The following XPO7 variants were observed in gnomAD, a reference collection of about 807,000 sequenced individuals.
The protein encoded by XPO7 is exportin 7.
Under a neutral mutation model 144.3 loss-of-function variants are expected in XPO7, and 21 were observed. The ratio of observed to expected loss-of-function variants is 0.15; its 90% CI spans 0.10 to 0.21. The LOEUF is 0.21. Among genes scored for constraint, XPO7 ranks in the 10% least tolerant of loss-of-function variants. XPO7 has a pLI of 1.00. For synonymous variants in XPO7, 580 were observed against 499.6 expected, an observed-to-expected ratio of 1.16 and a Z score of -2.15; for missense variants, 808 against 1,325.8, an observed-to-expected ratio of 0.61 and a Z score of 6.06.
intron 1 of XPO7, among the ~76,000 whole-genome samples, chr8:21,948,886 T>A (rs1811276461): frequency 6.6e-6 from 1 of 152,198 alleles, no homozygotes; most frequent in Admixed American, 6.5e-5. Flanking sequence ...AACCATTTGG[T>A]TCCTCCAAGG....
chr8:21,987,389 A>C, intron 14 of XPO7, 113 bp downstream of exon 14: 1 of 1,438,916 alleles, frequency 6.9e-7, no homozygotes, highest in Non-Finnish European at 9.4e-7. Context: ...ACGTAATAGG[A>C]CAGTCCAAAT....
At chr8:21,988,659 A>G (rs1585472896) in intron 15 of XPO7, 1 of 232,734 alleles carries the variant, frequency 4.3e-6, no homozygotes, top group Non-Finnish European at 8.5e-6. Flanking sequence ...TGGATGGTGC[A>G]GGTGCAGAAT....
intron 24 of XPO7, among the ~76,000 whole-genome samples, chr8:22,001,110 C>T (rs929183992): frequency 9.9e-5 from 15 of 152,022 alleles, no homozygotes; most frequent in Admixed American, 4.6e-4. Flanking sequence ...GTCAGGAGCT[C>T]GAGACCAGCC....
At chr8:21,951,643 G>T (rs541554259) in intron 1 of XPO7, among the ~76,000 whole-genome samples, 3 of 152,154 alleles carry the variant, frequency 2.0e-5, no homozygotes, top group Admixed American at 2.0e-4. Context: ...TGCCCATTTT[G>T]TTTGAATATT....
intron 27 of XPO7, 111 bp downstream of exon 27, chr8:22,004,141 A>AGCAAT: frequency 7.0e-7 from 1 of 1,421,872 alleles, no homozygotes. Context: ...GGCCATCTAA[A>AGCAAT]GCAATGCAAT....
At chr8:21,998,920 A>C (rs1813043006) in intron 22 of XPO7, 83 bp downstream of exon 22, 2 of 1,527,346 alleles carry the variant, frequency 1.3e-6, no homozygotes, top group Admixed American at 1.7e-5. Context: ...GTCTCTGGCC[A>C]GTCCTGGCAG....
At chr8:21,998,200 G>A (rs1475286768) in intron 21 of XPO7, among the ~76,000 whole-genome samples, 1 of 152,204 alleles carries the variant, frequency 6.6e-6, no homozygotes, top group African/African-American at 2.4e-5. Flanking sequence ...CCAGCACTTT[G>A]GGAGGCTGAG....
rs189371950 is a variant in XPO7, at chr8:21,991,807, A to G, written c.2042-61A>G. Reference sequence around the variant, plus strand: ...TGCTCCTCTTTCATCCCATCTTCCCATATATGCACAGCTTTGAATTCTTGG... The same window carrying G: ...TGCTCCTCTTTCATCCCATCTTCCCGTATATGCACAGCTTTGAATTCTTGG... On this transcript the variant is annotated intron_variant, in intron 18 of 27. Coordinates refer to ENST00000252512, the MANE Select transcript of XPO7 (RefSeq NM_015024.5). The G allele has an allele frequency of 4.4e-6, 6 of 1,352,208 alleles. No homozygotes were observed. In the East Asian group the frequency reaches 1.0e-4, roughly 23 times the overall value. 83.8% of individuals were successfully genotyped at this position (1,352,208 alleles called of 1,614,324 possible).
intron 1 of XPO7, among the ~76,000 whole-genome samples, chr8:21,933,594 A>G (rs983607330): frequency 2.6e-5 from 4 of 152,180 alleles, no homozygotes; most frequent in East Asian, 1.9e-4. Flanking sequence ...GCATGATTCT[A>G]TTAACACTGT....
chr8:21,996,862 C>T (rs1350858033), intron 21 of XPO7, among the ~76,000 whole-genome samples: 2 of 152,084 alleles, frequency 1.3e-5, no homozygotes, highest in Non-Finnish European at 2.9e-5. Context: ...GGCTGAAGTA[C>T]AGTGGCGCAG....
Position 21,995,526 on chromosome 8 carries a change from A to G in XPO7, c.2272A>G (p.Ile758Val), listed in dbSNP as rs563466539. Residue 758 changes from isoleucine (I) to valine (V), a missense_variant, in exon 21 of 28, where the codon ATT (isoleucine) becomes GTT (valine). This residue lies in a region of XPO7 where 416 missense variants were observed against 612.5 expected (regional missense o/e 0.68). Transcript: ENST00000252512. ...CTATATGCCAATTCTCCAACGGGCA[A>G]TTGAGCTCTGGTACCATGATCCAGC... is the stretch of plus-strand genomic sequence containing the variant. ...PSYMPILQRA[I>V]ELWYHDPACT... 3.0e-5 allele frequency: 49 copies of G among 1,610,350 alleles called. No homozygotes were observed. Among genetic ancestry groups the G allele is most frequent in the South Asian group, 1.7e-4 (15 of 89,972 alleles).
chr8:21,925,818 T>C (rs539732384), intron 1 of XPO7, among the ~76,000 whole-genome samples: 4 of 152,352 alleles, frequency 2.6e-5, no homozygotes, highest in African/African-American at 7.2e-5. Context: ...TACATGTTTG[T>C]AAAATTCCTT....
chr8:21,995,487 T>G lies in XPO7; in HGVS notation c.2238-5T>G, dbSNP rs779196543. The G allele has an allele frequency of 6.2e-6, 10 of 1,600,176 alleles. No individual in the cohort carries two copies. The South Asian group carries it at 1.1e-4, about 18-fold the overall frequency. On this transcript the variant is annotated splice_polypyrimidine_tract_variant and splice_region_variant and intron_variant, in intron 20 of 27. Coordinates refer to ENST00000252512, the MANE Select transcript of XPO7 (RefSeq NM_015024.5). ...AGAAATCTTTCCTTAGCTTCTCATTTACAGATATCCATCCTATATGCCAAT... is the reference window on the plus strand; with the variant it reads ...AGAAATCTTTCCTTAGCTTCTCATTGACAGATATCCATCCTATATGCCAAT...
At chr8:21,990,213 AGTG>A in intron 16 of XPO7, 128 bp from the exon 17 acceptor site, 1 of 813,130 alleles carries the variant, frequency 1.2e-6, no homozygotes, top group South Asian at 1.7e-5. Context: ...CATATTTGGC[AGTG>A]GTATACTCAA....
At chr8:21,934,443 G>A (rs1046044111) in intron 1 of XPO7, among the ~76,000 whole-genome samples, 3 of 152,060 alleles carry the variant, frequency 2.0e-5, no homozygotes, top group Admixed American at 6.6e-5. Flanking sequence ...TGAGGCAGGA[G>A]AATCACTTGA....
intron 4 of XPO7, among the ~76,000 whole-genome samples, chr8:21,971,349 C>T (rs1250009637): frequency 6.6e-6 from 1 of 152,222 alleles, no homozygotes; most frequent in Non-Finnish European, 1.5e-5. Flanking sequence ...CTGCTTACCT[C>T]AGCCCTGGAA....
chr8:21,945,113 G>T (rs1477123979), intron 1 of XPO7, among the ~76,000 whole-genome samples: 1 of 152,146 alleles, frequency 6.6e-6, no homozygotes, highest in Non-Finnish European at 1.5e-5. Context: ...TTCTCAATGA[G>T]CTGTTGGGTA....
chr8:21,962,056 G>A (rs1372236853), intron 1 of XPO7, among the ~76,000 whole-genome samples: 1 of 152,160 alleles, frequency 6.6e-6, no homozygotes, highest in Non-Finnish European at 1.5e-5. Flanking sequence ...TTGTTTATTG[G>A]CTGCTTGGCT....
intron 20 of XPO7, among the ~76,000 whole-genome samples, chr8:21,994,793 C>G (rs1812887951): frequency 6.6e-6 from 1 of 152,178 alleles, no homozygotes; most frequent in Non-Finnish European, 1.5e-5. Flanking sequence ...GTGGCTCACG[C>G]CTGTAATCCC....
Sources: allele counts gnomAD v4.1 joint callset (sites outside exome capture counted in the v4.1 genomes callset), GRCh38; gene constraint gnomAD v4.1.1; regional missense constraint gnomAD v4.1.1; transcripts MANE v1.5; gene names NCBI Gene and HGNC (gene_info 2026-07-23, HGNC 2026-07-21).